Variants in ADAM32 observed in about 807,000 individuals in gnomAD.
The protein encoded by ADAM32 is disintegrin and metalloproteinase domain-containing protein 32.
Under a neutral mutation model 114.9 loss-of-function variants are expected in ADAM32, and 89 were observed. That is an observed-to-expected ratio of 0.77 (90% confidence interval 0.65 to 0.92). ADAM32 has a LOEUF of 0.92. Among genes scored for constraint, ADAM32 ranks in the 40% least tolerant of loss-of-function variants. The probability of loss-of-function intolerance (pLI) is 0.00; values close to 1 mark genes in which losing one functional copy is unlikely to be tolerated. For synonymous variants in ADAM32, 285 were observed against 307.5 expected, an observed-to-expected ratio of 0.93 and a Z score of 0.77; for missense variants, 870 against 932.8, an observed-to-expected ratio of 0.93 and a Z score of 0.88.
chr8:39,185,356 A>AAAACAAC (rs1554609636), intron 10 of ADAM32, among the ~76,000 whole-genome samples: 16 of 152,120 alleles, frequency 1.1e-4, no homozygotes, highest in Non-Finnish European at 1.9e-4. Context: ...AAAAAAACAA[A>AAAACAAC]AAACAAACAA....
intron 6 of ADAM32, among the ~76,000 whole-genome samples, chr8:39,157,266 T>G (rs182429805): frequency 6.6e-6 from 1 of 152,348 alleles, no homozygotes; most frequent in Admixed American, 6.5e-5. Flanking sequence ...TGTTTTGGTG[T>G]GAATTCTTTT....
intron 12 of ADAM32, among the ~76,000 whole-genome samples, chr8:39,219,134 T>C (rs1047694092): frequency 2.0e-5 from 3 of 152,138 alleles, no homozygotes; most frequent in Non-Finnish European, 2.9e-5. Flanking sequence ...GTATCCAAGA[T>C]GCAAGACAAA....
intron 11 of ADAM32, among the ~76,000 whole-genome samples, chr8:39,210,247 C>T (rs769197636): frequency 1.3e-5 from 2 of 152,162 alleles, no homozygotes; most frequent in Non-Finnish European, 2.9e-5. Flanking sequence ...CTTCCTTCTC[C>T]CTCTCCTAAA....
In ADAM32 at chr8:39,165,234, A is replaced by G. The variant is rs190943118; in HGVS notation, c.833+38A>G. On this transcript the variant is annotated intron_variant, in intron 9 of 24. Transcript: ENST00000379907. ...TTTCATTATTCCTAGAAAGAAAACA[A>G]AGACCTGTGATAATTATGTGGCTTA... 10 of 1,333,924 alleles carry G rather than the reference A, an allele frequency of 7.5e-6. No individual in the cohort carries two copies. The East Asian group carries it at 2.5e-4, about 33-fold the overall frequency. The allele number at this position is 1,333,924 out of a possible 1,614,324, so 82.6% of individuals were successfully genotyped here. A position where few individuals can be genotyped will look rare whatever the true frequency, so the allele number is the denominator to read the frequency against.
At position 39,221,660 on chromosome 8, in the gene ADAM32, C is replaced by T. The variant is rs189440658; in HGVS notation, c.1284C>T (p.Asp428=). 6.9e-5 allele frequency: 112 copies of T among 1,612,096 alleles called. No homozygotes were observed. In the Admixed American group the frequency reaches 1.4e-3, roughly 20 times the overall value. The change falls in exon 13 of 25, where the codon GAC becomes GAT. Residue 428 remains aspartate (D), a synonymous_variant. Coordinates refer to ENST00000379907, the MANE Select transcript of ADAM32 (RefSeq NM_145004.7). ...CCDFRTCVLK[D]GAKCYKGLCC... is the part of the protein sequence containing the mutation. ...ATTTTCGAACTTGTGTACTGAAAGA[C>T]GGAGCAAAATGTTATAAAGGACTGT...
At chr8:39,162,406 A>G (rs919663504) in intron 7 of ADAM32, among the ~76,000 whole-genome samples, 13 of 152,062 alleles carry the variant, frequency 8.5e-5, no homozygotes, top group African/African-American at 2.4e-4. Flanking sequence ...GATCCAGACT[A>G]TCATTGTTGG....
Position 39,238,855 on chromosome 8 carries a change from C to G in ADAM32, c.1818+4773C>G, listed in dbSNP as rs111587939. On this transcript the variant is annotated intron_variant, in intron 16 of 24. Transcript: ENST00000379907. ...TTAACACAAGGCTTTGGAATGAACC[C>G]AATCTGACACAGACAAAAAAAATAA... is the stretch of plus-strand genomic sequence containing the variant. 7.9e-3 allele frequency among the ~76,000 whole-genome samples: 1,201 copies of G among 151,818 alleles called. 14 individuals are homozygous for G. Among genetic ancestry groups the G allele is most frequent in the African/African-American group, 0.028 (1,144 of 41,432 alleles).
intron 1 of ADAM32, among the ~76,000 whole-genome samples, chr8:39,109,908 C>T (rs561934366): frequency 3.0e-4 from 46 of 152,302 alleles, no homozygotes; most frequent in Admixed American, 2.8e-3. Flanking sequence ...CTCCCCACTG[C>T]CCCTGGCAAC....
At chr8:39,118,648 C>T (rs994805227) in intron 2 of ADAM32, among the ~76,000 whole-genome samples, 10 of 152,010 alleles carry the variant, frequency 6.6e-5, no homozygotes, top group Non-Finnish European at 1.2e-4. Context: ...CATGTGCATA[C>T]CTATATGCCA....
chr8:39,219,501 C>A (rs1318373724), intron 12 of ADAM32, among the ~76,000 whole-genome samples: 1 of 152,154 alleles, frequency 6.6e-6, no homozygotes, highest in African/African-American at 2.4e-5. Flanking sequence ...TGGGTGTCAG[C>A]TGAGTATAGC....
chr8:39,110,680 T>C lies in ADAM32; in HGVS notation c.58+2847T>C, dbSNP rs374974830. ...CCCAGCAATGAATGAGAACTTCTTT[T>C]ATTAATGCTGTCATATTATAAATTA... is the stretch of plus-strand genomic sequence containing the variant. On this transcript the variant is annotated intron_variant, in intron 1 of 24. Transcript: ENST00000379907. Among the ~76,000 whole-genome samples the C allele has an allele frequency of 2.6e-3, 393 of 152,384 alleles. 5 individuals carry two copies. Among genetic ancestry groups the C allele is most frequent in the African/African-American group, 9.2e-3 (381 of 41,600 alleles).
At chr8:39,109,446 C>T (rs554279557) in intron 1 of ADAM32, among the ~76,000 whole-genome samples, 1 of 152,164 alleles carries the variant, frequency 6.6e-6, no homozygotes, top group Admixed American at 6.5e-5. Flanking sequence ...ACTCGGGAAG[C>T]TGAGGCAGGA....
intron 12 of ADAM32, among the ~76,000 whole-genome samples, chr8:39,216,198 C>T (rs1326050687): frequency 2.0e-5 from 3 of 151,908 alleles, no homozygotes; most frequent in African/African-American, 7.2e-5. Context: ...TGTGTTTTGT[C>T]GGATATGAGT....
intron 19 of ADAM32, among the ~76,000 whole-genome samples, chr8:39,266,595 CT>C (rs762618466): frequency 2.9e-4 from 44 of 152,082 alleles, no homozygotes; most frequent in Non-Finnish European, 5.4e-4. Context: ...GAGTTTCGAC[CT>C]TCTGTATGTC....
chr8:39,275,964 T>G (rs1224485344), intron 22 of ADAM32, 98 bp downstream of exon 22: 2 of 1,174,990 alleles, frequency 1.7e-6, no homozygotes, highest in East Asian at 2.6e-5. Context: ...AACTATTAAC[T>G]GAGTAGCCAC....
At chr8:39,201,413 A>G (rs1157210919) in intron 11 of ADAM32, among the ~76,000 whole-genome samples, 1 of 151,512 alleles carries the variant, frequency 6.6e-6, no homozygotes, top group Non-Finnish European at 1.5e-5. Context: ...TTCACTCATG[A>G]TTTGGCTCTC....
intron 12 of ADAM32, among the ~76,000 whole-genome samples, chr8:39,217,117 A>ATTT (rs111413240): frequency 1.6e-4 from 24 of 150,566 alleles, no homozygotes; most frequent in African/African-American, 5.3e-4. Context: ...ATATATATAT[A>ATTT]TTTTTTTACC....
At chr8:39,277,695 C>T (rs913369712) in intron 22 of ADAM32, among the ~76,000 whole-genome samples, 2 of 152,240 alleles carry the variant, frequency 1.3e-5, no homozygotes, top group Non-Finnish European at 2.9e-5. Flanking sequence ...CTGCGCTCCA[C>T]CACTCGGGAG....
At chr8:39,284,651 G>C in intron 24 of ADAM32, 142 bp from the exon 25 acceptor site, 4 of 839,710 alleles carry the variant, frequency 4.8e-6, no homozygotes, top group Non-Finnish European at 7.4e-6. Flanking sequence ...AATTTCACAG[G>C]CAAAATTGTA....
Sources: gnomAD v4.1 joint callset for allele counts (sites outside exome capture counted in the v4.1 genomes callset) on GRCh38, gnomAD v4.1.1 for gene constraint, MANE v1.5 for transcripts, NCBI Gene and HGNC (gene_info 2026-07-23, HGNC 2026-07-21) for gene names.